IFT140: variants seen among roughly 807,000 people sequenced by gnomAD.
The protein encoded by IFT140 is intraflagellar transport 140, also known as intraflagellar transport protein 140 homolog.
In IFT140, 133 loss-of-function variants were observed where a neutral mutation model predicts 164.6. That is an observed-to-expected ratio of 0.81 (90% CI 0.70 to 0.93). IFT140 has a LOEUF of 0.93. Ranked by LOEUF, IFT140 falls within the 40% of genes least tolerant of loss-of-function variation. The pLI, the probability that IFT140 is intolerant of heterozygous loss-of-function variation, is 0.00. For missense variants in IFT140, 2,045 were observed against 1,972.3 expected (o/e 1.04, Z -0.70); for synonymous variants, 860 against 817.3 (o/e 1.05, Z -0.89).
intron 12 of IFT140, among the ~76,000 whole-genome samples, chr16:1,582,331 A>G (rs1487198780): frequency 6.6e-6 from 1 of 152,202 alleles, no homozygotes; most frequent in African/African-American, 2.4e-5. Flanking sequence ...CAATGTGACC[A>G]GAGAGACAGA....
chr16:1,570,125 A>C (rs1489741951), intron 14 of IFT140, among the ~76,000 whole-genome samples: 3 of 151,934 alleles, frequency 2.0e-5, no homozygotes. Flanking sequence ...TCATTTGTAC[A>C]TTTCCTGTCC....
chr16:1,559,459 T>C (rs1006456942), intron 18 of IFT140, among the ~76,000 whole-genome samples: 3 of 152,092 alleles, frequency 2.0e-5, no homozygotes, highest in Non-Finnish European at 2.9e-5. Context: ...GGATCCACCC[T>C]CATACCTCGG....
intron 3 of IFT140, chr16:1,604,274 C>CGTGCGTGTGTGTGTGTGTGTGT (rs1555496511): frequency 2.3e-5 from 3 of 129,812 alleles, no homozygotes; most frequent in Admixed American, 8.0e-5. Flanking sequence ...GCTGCAAGGG[C>CGTGCGTGTGTGTGTGTGTGTGT]GTGTGTGTGT....
intron 19 of IFT140, chr16:1,554,761 C>A: frequency 1.2e-6 from 2 of 1,612,658 alleles, no homozygotes; most frequent in South Asian, 1.1e-5. Context: ...CAAGGCCTCT[C>A]AACCCTTCTC....
chr16:1,552,179 G>A (rs1596350439), intron 19 of IFT140, among the ~76,000 whole-genome samples: 1 of 152,158 alleles, frequency 6.6e-6, no homozygotes, highest in African/African-American at 2.4e-5. Flanking sequence ...AGCCTGGTGA[G>A]GGGGAGAAAC....
intron 29 of IFT140, among the ~76,000 whole-genome samples, chr16:1,519,229 CTT>C (rs772794743): frequency 6.6e-6 from 1 of 152,226 alleles, no homozygotes; most frequent in African/African-American, 2.4e-5. Context: ...TTCTGGAACT[CTT>C]GTTTTGGAAA....
chr16:1,588,205 A>T (rs926595361), intron 7 of IFT140, among the ~76,000 whole-genome samples, 181 bp from the exon 8 acceptor site: 1 of 152,160 alleles, frequency 6.6e-6, no homozygotes, highest in Admixed American at 6.5e-5. Context: ...TAGGGGCCGA[A>T]GCAAACCACT....
At chr16:1,583,242 G>T in intron 12 of IFT140, 72 bp downstream of exon 12, 1 of 1,275,424 alleles carries the variant, frequency 7.8e-7, no homozygotes, top group Non-Finnish European at 1.1e-6. Context: ...CACCACAGTG[G>T]CCCTCTCATT....
rs2034864195 is a variant in IFT140 at position 1,586,127 on chromosome 16, T to C, written c.1155+3A>G. The C allele has an allele frequency of 5.6e-6, 9 of 1,612,014 alleles. No homozygotes were observed. The highest frequency in any genetic ancestry group is 1.3e-5 in the African/African-American group (1 of 74,900). ...GTGCACCGAACACCCTTGGAGGCTG[T>C]ACCTGGATTTGCGTGATGTTTCCTT... On this transcript the variant is annotated splice_donor_region_variant and intron_variant, in intron 10 of 30. Coordinates refer to ENST00000426508, the MANE Select transcript of IFT140 (RefSeq NM_014714.4).
At chr16:1,561,427 C>T (rs570169610) in intron 18 of IFT140, among the ~76,000 whole-genome samples, 2 of 152,326 alleles carry the variant, frequency 1.3e-5, no homozygotes, top group Non-Finnish European at 1.5e-5. Context: ...TTTAAAAACA[C>T]GTCCATGCAT....
rs373811188 is a variant in IFT140 at position 1,542,074 on chromosome 16, C to T, written c.2400-15278G>A. The T allele has an allele frequency of 6.2e-7, 1 of 1,603,366 alleles. No homozygotes were observed. The highest frequency in any genetic ancestry group is 8.5e-7 in the Non-Finnish European group (1 of 1,175,976). On this transcript the variant is annotated intron_variant, in intron 19 of 30. Coordinates refer to ENST00000426508, the MANE Select transcript of IFT140 (RefSeq NM_014714.4). Reference sequence around the variant, plus strand: ...GCCATGGCCGCTGCATTCCAACTGGCGAGTAAGTACCTGGGCGGGTGTGGC... The same window carrying T: ...GCCATGGCCGCTGCATTCCAACTGGTGAGTAAGTACCTGGGCGGGTGTGGC...
intron 30 of IFT140, among the ~76,000 whole-genome samples, chr16:1,516,891 G>C (rs1266251697): frequency 6.6e-6 from 1 of 152,040 alleles, no homozygotes; most frequent in Admixed American, 6.6e-5. Flanking sequence ...AGATGGATGG[G>C]ATTACCATCA....
chr16:1,539,163 A>C (rs2031379427), intron 19 of IFT140, among the ~76,000 whole-genome samples: 1 of 150,608 alleles, frequency 6.6e-6, no homozygotes, highest in South Asian at 2.1e-4. Context: ...ACCAAGCTGC[A>C]CAGTGCCACG....
chr16:1,585,027 G>A (rs2034793465), intron 10 of IFT140, among the ~76,000 whole-genome samples: 1 of 152,216 alleles, frequency 6.6e-6, no homozygotes, highest in African/African-American at 2.4e-5. Flanking sequence ...CTGGTGAAGT[G>A]AAGGAAGCTA....
In IFT140 at chr16:1,605,819, T is replaced by C. The variant is rs564484524; in HGVS notation, c.147+1301A>G. Among the ~76,000 whole-genome samples, 8 of 152,202 alleles carry C rather than the reference T, an allele frequency of 5.3e-5. No individual in the cohort carries two copies. In the East Asian group the frequency reaches 1.5e-3, roughly 29 times the overall value. On this transcript the variant is annotated intron_variant, in intron 3 of 30. Transcript: ENST00000426508. ...GGTGAATTGTGTCCCCACAAAGATA[T>C]GTGGAAGTCCTATCCCTGGTCCTTG...
chr16:1,588,321 C>G (rs1354119994), intron 7 of IFT140, among the ~76,000 whole-genome samples: 3 of 152,024 alleles, frequency 2.0e-5, no homozygotes, highest in African/African-American at 7.3e-5. Flanking sequence ...GTCAGGAGAT[C>G]AAGACCATCC....
In IFT140 at chr16:1,570,292, C is replaced by T. The variant is rs138989682; in HGVS notation, c.1652+1115G>A. Among the ~76,000 whole-genome samples the T allele has an allele frequency of 7.9e-5, 12 of 152,232 alleles. No individual in the cohort carries two copies. In the East Asian group the frequency reaches 9.7e-4, roughly 12 times the overall value. ...GAGTGAGGAAATATGTGTGTACCAA[C>T]GGGTACATTGATACAGACCTACGAT... On this transcript the variant is annotated intron_variant, in intron 14 of 30. Coordinates refer to ENST00000426508, the MANE Select transcript of IFT140 (RefSeq NM_014714.4).
At chr16:1,589,539 C>CAA in intron 7 of IFT140, 66 bp downstream of exon 7, 1 of 1,531,168 alleles carries the variant, frequency 6.5e-7, no homozygotes, top group Non-Finnish European at 9.0e-7. Flanking sequence ...AAAGGGCCGT[C>CAA]AACGAGGCCA....
At chr16:1,519,136 A>G (rs559245148) in intron 29 of IFT140, among the ~76,000 whole-genome samples, 1 of 152,306 alleles carries the variant, frequency 6.6e-6, no homozygotes, top group South Asian at 2.1e-4. Flanking sequence ...CATCTGTGAG[A>G]CGCTGATACC....
Sources: allele counts gnomAD v4.1 joint callset (sites outside exome capture counted in the v4.1 genomes callset), GRCh38; gene constraint gnomAD v4.1.1; transcripts MANE v1.5; gene names NCBI Gene and HGNC (gene_info 2026-07-23, HGNC 2026-07-21).